KAZN: variants seen among roughly 807,000 people sequenced by gnomAD.
KAZN encodes the protein kazrin.
In KAZN, 40 loss-of-function variants were observed where a neutral mutation model predicts 87.4. The ratio of observed to expected loss-of-function variants is 0.46; its 90% confidence interval spans 0.36 to 0.60. KAZN has a LOEUF of 0.60. Ranked by LOEUF, KAZN falls within the 20% of genes least tolerant of loss-of-function variation. The pLI, the probability that KAZN is intolerant of heterozygous loss-of-function variation, is 0.00. For missense variants in KAZN, 898 were observed against 1,073.9 expected (o/e 0.84, Z 2.29); for synonymous variants, 466 against 458.3 (o/e 1.02, Z -0.22).
chr1:13,920,286 C>T (rs1640015523), intron 1 of KAZN, among the ~76,000 whole-genome samples: 1 of 148,148 alleles, frequency 6.8e-6, no homozygotes, highest in African/African-American at 2.5e-5. Context: ...GTCCCATGTT[C>T]TGAAGTGCTC....
intron 2 of KAZN, among the ~76,000 whole-genome samples, chr1:14,446,281 A>G (rs1317807217): frequency 6.6e-6 from 1 of 152,162 alleles, no homozygotes; most frequent in Non-Finnish European, 1.5e-5. Context: ...CCACACACAA[A>G]AAATTAAAAA....
intron 2 of KAZN, among the ~76,000 whole-genome samples, chr1:14,237,671 G>T (rs139295525): frequency 6.6e-6 from 1 of 152,114 alleles, no homozygotes; most frequent in African/African-American, 2.4e-5. Context: ...GATTATTGAC[G>T]CAGCAAACAT....
At chr1:14,143,206 C>T (rs1645277505) in intron 1 of KAZN, among the ~76,000 whole-genome samples, 1 of 152,094 alleles carries the variant, frequency 6.6e-6, no homozygotes, top group African/African-American at 2.4e-5. Flanking sequence ...GCATAACACC[C>T]CATGATTTTG....
chr1:14,434,098 C>G (rs2149503), intron 2 of KAZN, among the ~76,000 whole-genome samples: 67,872 of 152,112 alleles, frequency 0.45, 15,684 homozygotes, highest in African/African-American at 0.53. Flanking sequence ...TGTGGCTGCC[C>G]AAATAGATGC....
At chr1:14,122,892 A>G (rs1308936156) in intron 1 of KAZN, among the ~76,000 whole-genome samples, 4 of 151,890 alleles carry the variant, frequency 2.6e-5, no homozygotes, top group East Asian at 3.9e-4. Flanking sequence ...GGTTTTTGCT[A>G]TTGTTTGTTT....
chr1:14,178,779 T>C (rs1163316455), intron 1 of KAZN, among the ~76,000 whole-genome samples: 2 of 152,198 alleles, frequency 1.3e-5, no homozygotes, highest in African/African-American at 2.4e-5. Flanking sequence ...CATTTTGGGG[T>C]ACTATATTTT....
chr1:15,101,464 C>G, intron 10 of KAZN, 79 bp from the exon 11 acceptor site: 1 of 934,924 alleles, frequency 1.1e-6, no homozygotes, highest in Non-Finnish European at 1.7e-6. Flanking sequence ...CTCTCTGCAT[C>G]TCCACCCATT....
chr1:14,842,254 A>AT (rs1648108307), intron 1 of KAZN, among the ~76,000 whole-genome samples: 1 of 152,182 alleles, frequency 6.6e-6, no homozygotes, highest in Non-Finnish European at 1.5e-5. Flanking sequence ...GTGGTCATTC[A>AT]TTTTTTGTTG....
intron 1 of KAZN, among the ~76,000 whole-genome samples, chr1:14,925,012 G>T (rs1659020106): frequency 6.6e-6 from 1 of 152,262 alleles, no homozygotes; most frequent in Non-Finnish European, 1.5e-5. Context: ...AGGCGAAATT[G>T]ATGCCTCGCA....
At chr1:14,514,352 A>ATAT (rs1553182425) in intron 2 of KAZN, among the ~76,000 whole-genome samples, 1 of 20,562 alleles carries the variant, frequency 4.9e-5, no homozygotes, top group Non-Finnish European at 8.7e-5. Flanking sequence ...ATTTATATAT[A>ATAT]TTATATATAT....
intron 2 of KAZN, among the ~76,000 whole-genome samples, chr1:14,363,448 C>T (rs940402125): frequency 1.3e-5 from 2 of 152,174 alleles, no homozygotes; most frequent in African/African-American, 4.8e-5. Context: ...CAATGGGCTG[C>T]TCAGACTTCA....
intron 1 of KAZN, among the ~76,000 whole-genome samples, chr1:14,760,783 G>A (rs187547544): frequency 1.4e-4 from 21 of 152,226 alleles, no homozygotes; most frequent in South Asian, 2.1e-4. Flanking sequence ...GCAAGACCTC[G>A]TCTCTACAAA....
chr1:14,512,032 G>A (rs1031663061), intron 2 of KAZN, among the ~76,000 whole-genome samples: 2 of 152,190 alleles, frequency 1.3e-5, no homozygotes, highest in Admixed American at 1.3e-4. Flanking sequence ...TGGAGAAAAT[G>A]TGGAGGGCAC....
chr1:13,936,057 T>A (rs189600185), intron 1 of KAZN, among the ~76,000 whole-genome samples: 1 of 150,608 alleles, frequency 6.6e-6, no homozygotes, highest in African/African-American at 2.4e-5. Flanking sequence ...GTTTCCTTTT[T>A]AAATTTTTAT....
At chr1:14,198,203 A>G (rs1407067214) in intron 2 of KAZN, among the ~76,000 whole-genome samples, 1 of 152,200 alleles carries the variant, frequency 6.6e-6, no homozygotes, top group African/African-American at 2.4e-5. Flanking sequence ...TTCCAAGAGC[A>G]ATAGAAGCCA....
chr1:14,823,670 G>A (rs1333604461), intron 1 of KAZN, among the ~76,000 whole-genome samples: 4 of 152,150 alleles, frequency 2.6e-5, no homozygotes, highest in Admixed American at 2.0e-4. Flanking sequence ...GGATACTTAA[G>A]AAAGCTTGGG....
intron 1 of KAZN, among the ~76,000 whole-genome samples, chr1:14,110,053 T>C (rs1409980112): frequency 7.7e-6 from 1 of 129,036 alleles, no homozygotes; most frequent in Non-Finnish European, 1.6e-5. Context: ...TAATATGTTG[T>C]GATTAATAAG....
chr1:14,196,567 C>T (rs567288538), intron 2 of KAZN, among the ~76,000 whole-genome samples: 157 of 151,876 alleles, frequency 1.0e-3, no homozygotes, highest in Non-Finnish European at 1.5e-3. Context: ...CTGGAAGAAT[C>T]GAGAAGGCTG....
intron 1 of KAZN, among the ~76,000 whole-genome samples, chr1:14,804,510 A>G (rs1256653265): frequency 6.6e-6 from 1 of 152,152 alleles, no homozygotes; most frequent in Non-Finnish European, 1.5e-5. Context: ...TTGAGAGTAC[A>G]GGGGAGATCT....
Sources: allele counts gnomAD v4.1 joint callset (sites outside exome capture counted in the v4.1 genomes callset), GRCh38; gene constraint gnomAD v4.1.1; transcripts MANE v1.5; gene names NCBI Gene and HGNC (gene_info 2026-07-23, HGNC 2026-07-21).